CFAP46: variants seen among roughly 807,000 people sequenced by gnomAD.
CFAP46 encodes cilia- and flagella-associated protein 46.
A neutral mutation model predicts 325.7 loss-of-function variants in CFAP46; 245 were observed. The observed-to-expected ratio is 0.75, with a 90% CI of 0.68 to 0.84. CFAP46 has a LOEUF of 0.84. Ranked by LOEUF, CFAP46 falls within the 40% of genes least tolerant of loss-of-function variation. The pLI is 0.00. For synonymous variants in CFAP46, 1,523 were observed against 1,495.9 expected (o/e 1.02, Z -0.42); for missense variants, 3,346 against 3,543.0 (o/e 0.94, Z 1.41).
In CFAP46 at chr10:132,917,157, C is replaced by T. The variant is rs183006351; in HGVS notation, c.1987-475G>A. ...GCTCCCTGAGCAGAGAGTTCTGTGC[C>T]GCTTCTCACCCTGACCCCAGCTGAG... On this transcript the variant is annotated intron_variant, in intron 16 of 57. Coordinates refer to ENST00000368586, the MANE Select transcript of CFAP46 (RefSeq NM_001200049.3). 4.9e-3 allele frequency among the ~76,000 whole-genome samples: 752 copies of T among 152,376 alleles called. 9 individuals are homozygous for T. Among genetic ancestry groups the T allele is most frequent in the African/African-American group, 0.017 (717 of 41,588 alleles).
chr10:132,849,021 A>G (rs1274154982), intron 41 of CFAP46, among the ~76,000 whole-genome samples: 4 of 152,232 alleles, frequency 2.6e-5, no homozygotes, highest in African/African-American at 9.6e-5. Context: ...CTGGACAACA[A>G]CATAAATCAT....
chr10:132,872,617 GTTGT>G (rs1243691648), intron 32 of CFAP46, 55 bp downstream of exon 32: 1 of 1,534,358 alleles, frequency 6.5e-7, no homozygotes. Context: ...ACCTTAACAT[GTTGT>G]TTATTTTTGT....
At chr10:132,882,087 GCGTGTGGGA>G (rs1849053884) in intron 27 of CFAP46, among the ~76,000 whole-genome samples, 1 of 149,522 alleles carries the variant, frequency 6.7e-6, no homozygotes, top group South Asian at 2.2e-4. Flanking sequence ...TGTGAGTGGT[GCGTGTGGGA>G]TGTGGGGTGT....
chr10:132,858,900 G>A (rs1395146349), intron 38 of CFAP46, among the ~76,000 whole-genome samples, 171 bp downstream of exon 38: 1 of 152,156 alleles, frequency 6.6e-6, no homozygotes, highest in East Asian at 1.9e-4. Context: ...CTGGGCATGT[G>A]ATCAGAACGT....
rs149229934 is a variant in CFAP46 at position 132,929,667 on chromosome 10, G to A, written c.966+38C>T. On this transcript the variant is annotated intron_variant, in intron 9 of 57. Coordinates refer to ENST00000368586, the MANE Select transcript of CFAP46 (RefSeq NM_001200049.3). ...TTTGTCCAACTGCACGGTGAGCAGC[G>A]CCTCATCCCCAGGCAGCAGTGTCAT... 8.4e-5 allele frequency: 132 copies of A among 1,564,440 alleles called. No homozygotes were observed. In the African/African-American group the frequency reaches 1.5e-3, roughly 18 times the overall value.
At chr10:132,911,815 C>A (rs576395317) in intron 19 of CFAP46, among the ~76,000 whole-genome samples, 318 of 152,232 alleles carry the variant, frequency 2.1e-3, no homozygotes, top group Non-Finnish European at 3.6e-3. Context: ...TGTTTCTCGC[C>A]GTTCCAATCC....
intron 24 of CFAP46, 144 bp from the exon 25 acceptor site, chr10:132,892,561 A>G: frequency 1.5e-6 from 1 of 676,934 alleles, no homozygotes; most frequent in African/African-American, 1.8e-5. Context: ...AATTAACCTG[A>G]CAATGTTGTA....
At chr10:132,926,110 A>G (rs1849805562) in intron 10 of CFAP46, among the ~76,000 whole-genome samples, 1 of 152,228 alleles carries the variant, frequency 6.6e-6, no homozygotes. Flanking sequence ...AGCAGGACAG[A>G]GGTGGGTCAA....
chr10:132,916,444 C>A, intron 17 of CFAP46, 105 bp downstream of exon 17: 1 of 1,272,086 alleles, frequency 7.9e-7, no homozygotes, highest in South Asian at 1.6e-5. Context: ...AAGCCGGTGT[C>A]CTTACGAATG....
intron 35 of CFAP46, among the ~76,000 whole-genome samples, chr10:132,864,464 CT>C (rs1564783672): frequency 1.3e-4 from 14 of 105,388 alleles, no homozygotes; most frequent in Admixed American, 1.9e-4. Flanking sequence ...ACCTGTCCCC[CT>C]GCCTGAGACC....
At chr10:132,937,473 T>C in intron 6 of CFAP46, 79 bp downstream of exon 6, 1 of 1,559,802 alleles carries the variant, frequency 6.4e-7, no homozygotes, top group Non-Finnish European at 8.8e-7. Context: ...CAAACTTATG[T>C]AATTTCTACG....
At chr10:132,938,466 C>A in intron 5 of CFAP46, 123 bp downstream of exon 5, 1 of 922,268 alleles carries the variant, frequency 1.1e-6, no homozygotes, top group South Asian at 1.7e-5. Flanking sequence ...TGGGAGAGAA[C>A]GCACATGGAG....
rs1486981368 is a variant in CFAP46, at chr10:132,847,314, G to A, written c.5960C>T (p.Ala1987Val). 2.5e-6 allele frequency: 4 copies of A among 1,613,496 alleles called. No individual in the cohort carries two copies. The highest frequency in any genetic ancestry group is 1.7e-5 in the Admixed American group (1 of 60,008). ...CYWEAGPSVGAKLSGLKSLEL... is the reference protein window; with the variant it reads ...CYWEAGPSVGVKLSGLKSLEL... ...CAGAGACTTGAGGCCGCTCAGCTTG[G>A]CGCCCACCTGTGACACACATTGCAG... The change falls in exon 42 of 58, where the codon GCC becomes GTC. Residue 1987 changes from alanine (A) to valine (V), a missense_variant. Coordinates refer to ENST00000368586, the MANE Select transcript of CFAP46 (RefSeq NM_001200049.3). This position sits in a 1 kb window ranked among gnomAD's most constrained non-coding sequence, Gnocchi z 5.2.
At position 132,808,602 on chromosome 10, in the gene CFAP46, G is replaced by A. The variant is rs374964573; in HGVS notation, c.7967C>T (p.Ser2656Phe). The A allele has an allele frequency of 3.7e-6, 6 of 1,612,406 alleles. No homozygotes were observed. The highest frequency in any genetic ancestry group is 5.1e-6 in the Non-Finnish European group (6 of 1,179,652). ...ASARDPPPATSRKAAAWTSSS... is the reference protein window; with the variant it reads ...ASARDPPPATFRKAAAWTSSS... ...CGAGGTCCAGGCGGCTGCCTTGCGG[G>A]AAGTCGCTGGGGGAGGGTCCCTGGC... Residue 2656 changes from serine to phenylalanine, a missense_variant, in exon 58 of 58, where the codon TCC (serine) becomes TTC (phenylalanine). Coordinates refer to ENST00000368586, the MANE Select transcript of CFAP46 (RefSeq NM_001200049.3). This position sits in a 1 kb window ranked among gnomAD's most constrained non-coding sequence, Gnocchi z 6.8.
At position 132,934,843 on chromosome 10, in the gene CFAP46, A is replaced by T; in HGVS notation, c.775T>A (p.Leu259Ile). Residue 259 changes from leucine to isoleucine, a missense_variant, in exon 8 of 58, where the codon TTA becomes ATA. Coordinates refer to ENST00000368586, the MANE Select transcript of CFAP46 (RefSeq NM_001200049.3). Reference sequence around the variant, plus strand: ...AGAATGACACTGATGTCACCTGGTAAATCATTTTGCTCCGCTTTTCTAGAA... The same window carrying T: ...AGAATGACACTGATGTCACCTGGTATATCATTTTGCTCCGCTTTTCTAGAA... ...MLKAKAEQND[L>I]PGDISVILRK... The T allele has an allele frequency of 6.2e-7, 1 of 1,607,984 alleles. No homozygotes were observed. Among genetic ancestry groups the T allele is most frequent in the Non-Finnish European group, 8.5e-7 (1 of 1,174,756 alleles).
In CFAP46 at chr10:132,878,090, G is replaced by A. The variant is rs940009543; in HGVS notation, c.4006-3C>T. 1.4e-5 allele frequency: 21 copies of A among 1,548,344 alleles called. No homozygotes were observed. The highest frequency in any genetic ancestry group is 2.7e-5 in the African/African-American group (2 of 72,982). ...TTTCCTGCTGTCATCAAAGAAACCTGGTGGGGATGAAATCCACATTTGCAG... is the reference window on the plus strand; with the variant it reads ...TTTCCTGCTGTCATCAAAGAAACCTAGTGGGGATGAAATCCACATTTGCAG... On this transcript the variant is annotated splice_region_variant and splice_polypyrimidine_tract_variant and intron_variant, in intron 29 of 57. Coordinates refer to ENST00000368586, the MANE Select transcript of CFAP46 (RefSeq NM_001200049.3).
chr10:132,910,121 T>C, intron 19 of CFAP46, 53 bp from the exon 20 acceptor site: 1 of 1,344,506 alleles, frequency 7.4e-7, no homozygotes. Flanking sequence ...CAGGGGACCT[T>C]GAGCCAAGAT....
chr10:132,857,865 T>C, intron 38 of CFAP46, 77 bp from the exon 39 acceptor site: 1 of 1,225,294 alleles, frequency 8.2e-7, no homozygotes, highest in Non-Finnish European at 1.1e-6. Context: ...TTTTCTATCA[T>C]ACTGTATATT....
intron 28 of CFAP46, among the ~76,000 whole-genome samples, 167 bp from the exon 29 acceptor site, chr10:132,879,798 T>C (rs1291757553): frequency 6.6e-6 from 1 of 152,118 alleles, no homozygotes; most frequent in Non-Finnish European, 1.5e-5. Flanking sequence ...TCACGTGTTG[T>C]ACTTACTCTG....
Sources: allele counts gnomAD v4.1 joint callset (sites outside exome capture counted in the v4.1 genomes callset), GRCh38; gene constraint gnomAD v4.1.1; non-coding constraint Gnocchi (gnomAD v3.1); transcripts MANE v1.5; gene names NCBI Gene and HGNC (gene_info 2026-07-23, HGNC 2026-07-21).